Variants in USP54 observed in about 807,000 individuals in gnomAD.
USP54 encodes the protein ubiquitin specific peptidase 54.
Under a neutral mutation model 170.5 loss-of-function variants are expected in USP54, and 87 were observed. That is an observed-to-expected ratio of 0.51 (90% CI 0.43 to 0.61). The LOEUF (loss-of-function observed/expected upper bound fraction) is 0.61, where lower values mean the gene tolerates loss of function less well. USP54 is among the 20% of genes least tolerant of loss of function. The pLI is 0.00. For missense variants in USP54, 1,786 were observed against 2,047.8 expected, an observed-to-expected ratio of 0.87 and a Z score of 2.47; for synonymous variants, 655 against 742.8, an observed-to-expected ratio of 0.88 and a Z score of 1.92.
At chr10:73,589,232 C>G (rs575001472) in intron 1 of USP54, among the ~76,000 whole-genome samples, 2 of 152,280 alleles carry the variant, frequency 1.3e-5, no homozygotes, top group African/African-American at 4.8e-5. Flanking sequence ...CAGGCATAAC[C>G]AAACAGCTCT....
At chr10:73,536,233 GAGGA>G (rs2065192491) in intron 11 of USP54, 32 bp downstream of exon 11, 1 of 1,610,164 alleles carries the variant, frequency 6.2e-7, no homozygotes, top group African/African-American at 1.3e-5. Flanking sequence ...CGCATGGGGT[GAGGA>G]GAGAGGAGAG....
rs562062536 is a variant in USP54, at chr10:73,600,046, C to T, written c.-17-24371G>A. Among the ~76,000 whole-genome samples the T allele has an allele frequency of 4.5e-4, 68 of 152,094 alleles. 1 individual carries two copies. In the South Asian group the frequency reaches 0.014, roughly 31 times the overall value. The stretch of plus-strand genomic sequence containing the variant: ...CCTCCCGAGTTGCTGGGATTACAGG[C>T]ATGCACCACCACGCTCAGCTAATTT... On this transcript the variant is annotated intron_variant, in intron 1 of 22. Transcript: ENST00000339859.
chr10:73,575,651 C>T lies in USP54; in HGVS notation c.8G>A (p.Trp3Ter), dbSNP rs760639601. 11 of 1,603,186 alleles carry T rather than the reference C, an allele frequency of 6.9e-6. No individual in the cohort carries two copies. Among genetic ancestry groups the T allele is most frequent in the Non-Finnish European group, 6.8e-6 (8 of 1,175,980 alleles). Residue 3 changes from tryptophan to a stop codon, truncating the protein, a stop_gained, in exon 3 of 24, where the codon TGG becomes TAG. Transcript: ENST00000687698. LOFTEE classifies it high-confidence loss of function. The part of the protein sequence containing the change: MS[W>*]KRNYFSGGRG... ...ACCCCCTGAAAAATAATTTCTCTTCCAAGACATTATTGTTCACATTTAGCC... is the reference window on the plus strand; with the variant it reads ...ACCCCCTGAAAAATAATTTCTCTTCTAAGACATTATTGTTCACATTTAGCC...
chr10:73,624,387 A>C (rs1278435565), intron 1 of USP54: 4 of 83,242 alleles, frequency 4.8e-5, no homozygotes, highest in African/African-American at 1.5e-4. Flanking sequence ...TTTAGTAGAG[A>C]CGGGGGGGGG....
At chr10:73,544,236 G>A (rs2067255499) in intron 5 of USP54, among the ~76,000 whole-genome samples, 1 of 152,160 alleles carries the variant, frequency 6.6e-6, no homozygotes. Flanking sequence ...AGCCCGGCCA[G>A]CATATAACCT....
intron 4 of USP54, among the ~76,000 whole-genome samples, chr10:73,558,722 A>T (rs2071919872): frequency 6.6e-6 from 1 of 152,192 alleles, no homozygotes; most frequent in East Asian, 1.9e-4. Flanking sequence ...AGAATTGGCA[A>T]GTCCTTATAA....
In USP54 at chr10:73,619,329, G is replaced by C. The variant is rs910217429; in HGVS notation, c.-18+6238C>G. ...TACAGCCTCAACTTCCCAGGCTCAA[G>C]TGATCCTCTTGCCTCAGCCTCCTAC... On this transcript the variant is annotated intron_variant, in intron 1 of 22. Coordinates refer to the USP54 transcript ENST00000339859. Among the ~76,000 whole-genome samples the C allele has an allele frequency of 1.5e-4, 22 of 150,222 alleles. 2 individuals carry two copies. Among genetic ancestry groups the C allele is most frequent in the African/African-American group, 5.3e-4 (21 of 39,644 alleles).
chr10:73,556,066 C>A (rs2070898216), intron 4 of USP54, among the ~76,000 whole-genome samples: 1 of 152,090 alleles, frequency 6.6e-6, no homozygotes, highest in African/African-American at 2.4e-5. Flanking sequence ...CATATTCATA[C>A]ATAGGTGATC....
intron 1 of USP54, among the ~76,000 whole-genome samples, chr10:73,597,028 T>C (rs1183874593): frequency 3.3e-5 from 5 of 152,176 alleles, no homozygotes; most frequent in African/African-American, 1.2e-4. Flanking sequence ...CAAAAAGTCA[T>C]GGCCATAGTT....
chr10:73,537,208 T>G (rs2065411495), intron 10 of USP54, among the ~76,000 whole-genome samples: 1 of 152,218 alleles, frequency 6.6e-6, no homozygotes, highest in African/African-American at 2.4e-5. Context: ...TTAAAACATT[T>G]ATATGCTCTT....
chr10:73,543,246 G>T (rs563369808), intron 5 of USP54, 115 bp from the exon 6 acceptor site: 3 of 723,166 alleles, frequency 4.1e-6, no homozygotes, highest in Non-Finnish European at 6.9e-6. Context: ...GGAATATTTT[G>T]ATTTTTAAAA....
At chr10:73,512,353 G>A (rs1427815905) in intron 20 of USP54, among the ~76,000 whole-genome samples, 2 of 151,910 alleles carry the variant, frequency 1.3e-5, no homozygotes, top group African/African-American at 4.8e-5. Context: ...TTGCCCAGCT[G>A]GTCTTGAACT....
chr10:73,530,435 G>C lies in USP54; in HGVS notation c.1536C>G (p.Val512=), dbSNP rs1217050207. Residue 512 remains valine (V), a synonymous_variant, in exon 14 of 24, where the codon GTC becomes GTG. Transcript: ENST00000687698. ...ATGGTCTGTTATGGATCATATTGCT[G>C]ACTGTCTCTTTAAAATCTCTCAGCC... ...TNRLRDFKET[V]SNMIHNRPSL... 6.2e-7 allele frequency: 1 copy of C among 1,614,168 alleles called. No individual in the cohort carries two copies. The highest frequency in any genetic ancestry group is 2.2e-5 in the East Asian group (1 of 44,882).
chr10:73,570,705 C>A (rs2074992439), intron 4 of USP54, among the ~76,000 whole-genome samples: 1 of 141,568 alleles, frequency 7.1e-6, no homozygotes, highest in Non-Finnish European at 1.6e-5. Flanking sequence ...GCCACCTCAC[C>A]CGTTGTACTG....
At chr10:73,595,872 G>A (rs537414123), upstream of USP54, among the ~76,000 whole-genome samples, 31 of 152,246 alleles carry the variant, frequency 2.0e-4, 1 homozygote, top group East Asian at 6.0e-3. Flanking sequence ...CACTTTGAGA[G>A]GCCAAGGCAG....
At chr10:73,607,631 G>A (rs1385827573) in intron 1 of USP54, among the ~76,000 whole-genome samples, 3 of 151,426 alleles carry the variant, frequency 2.0e-5, no homozygotes, top group Admixed American at 6.6e-5. Context: ...AGGAGTTCAA[G>A]ATCACCCTGA....
At chr10:73,570,081 C>T (rs574170180) in intron 4 of USP54, among the ~76,000 whole-genome samples, 3 of 151,942 alleles carry the variant, frequency 2.0e-5, no homozygotes, top group African/African-American at 7.2e-5. Context: ...AAACATATAA[C>T]GATCACATCC....
At chr10:73,577,939 C>T (rs532118069) in intron 1 of USP54, among the ~76,000 whole-genome samples, 41 of 152,304 alleles carry the variant, frequency 2.7e-4, no homozygotes, top group African/African-American at 9.4e-4. Flanking sequence ...ATTCCTTCAG[C>T]TCAACTGCTG....
intron 5 of USP54, among the ~76,000 whole-genome samples, chr10:73,544,711 TTTTTTTTC>T (rs1303247414): frequency 2.0e-5 from 3 of 152,088 alleles, no homozygotes; most frequent in Non-Finnish European, 4.4e-5. Flanking sequence ...AAATTTTCTT[TTTTTTTTC>T]TTTTTTTCTT....
Sources: gnomAD v4.1 joint callset for allele counts (sites outside exome capture counted in the v4.1 genomes callset) on GRCh38, gnomAD v4.1.1 for gene constraint, MANE v1.5 for transcripts, NCBI Gene and HGNC (gene_info 2026-07-23, HGNC 2026-07-21) for gene names.